Variants in SLC15A5 observed in about 807,000 individuals in gnomAD.
SLC15A5 encodes Peptide/histidine transporter ENSP00000340402.
Under a neutral mutation model 56.1 loss-of-function variants are expected in SLC15A5, and 58 were observed. The ratio of observed to expected loss-of-function variants is 1.03; its 90% CI spans 0.84 to 1.29. The LOEUF (loss-of-function observed/expected upper bound fraction) is 1.29. Among genes scored for constraint, SLC15A5 ranks in the 50% most tolerant of loss-of-function variants. SLC15A5 has a pLI of 0.00. For synonymous variants in SLC15A5, 264 were observed against 250.5 expected (o/e 1.05, Z -0.51); for missense variants, 681 against 672.1 (o/e 1.01, Z -0.15).
At position 16,277,527 on chromosome 12, in the gene SLC15A5, C is replaced by A. The variant is rs185406145; in HGVS notation, c.159G>T (p.Glu53Asp). Residue 53 changes from glutamate to aspartate, a missense_variant, in exon 1 of 9, where the codon GAG becomes GAT. By Grantham distance (45) the Glu-to-Asp change is conservative. Transcript: ENST00000344941. ...AGACGACTTCAAAGAACGTGAACCT[C>A]TCACACAGCTCCACCAGAAGCAAGC... ...GICLLLVELCERFTFFEVVCN... is the reference protein window; with the variant it reads ...GICLLLVELCDRFTFFEVVCN... 3.8e-4 allele frequency: 580 copies of A among 1,536,462 alleles called. 5 individuals are homozygous for A. Among genetic ancestry groups the A allele is most frequent in the Non-Finnish European group, 8.1e-5 (93 of 1,146,370 alleles).
intron 2 of SLC15A5, among the ~76,000 whole-genome samples, chr12:16,258,413 A>G (rs1417318704): frequency 1.3e-5 from 2 of 152,154 alleles, no homozygotes; most frequent in African/African-American, 2.4e-5. Flanking sequence ...TTTCTTCCCA[A>G]TGATTAGTAT....
At chr12:16,258,601 A>G (rs1270225454) in intron 2 of SLC15A5, among the ~76,000 whole-genome samples, 2 of 152,196 alleles carry the variant, frequency 1.3e-5, no homozygotes, top group African/African-American at 2.4e-5. Flanking sequence ...ACTCATTTAC[A>G]TATATAACTT....
chr12:16,228,360 C>A (rs1864263038), intron 5 of SLC15A5, among the ~76,000 whole-genome samples: 1 of 152,134 alleles, frequency 6.6e-6, no homozygotes, highest in African/African-American at 2.4e-5. Flanking sequence ...GTGCTGAAAG[C>A]AAGGTCAGAA....
At chr12:16,232,056 A>G (rs1426729411) in intron 5 of SLC15A5, among the ~76,000 whole-genome samples, 2 of 152,246 alleles carry the variant, frequency 1.3e-5, no homozygotes, top group Admixed American at 1.3e-4. Context: ...ACAATCTATA[A>G]GAATAGATAT....
chr12:16,257,605 G>A (rs1565672562), intron 3 of SLC15A5, 96 bp downstream of exon 3: 1 of 1,007,210 alleles, frequency 9.9e-7, no homozygotes, highest in African/African-American at 1.7e-5. Flanking sequence ...TTCAAATTCT[G>A]AGTTGAAAGA....
chr12:16,273,494 C>G (rs1249065202), intron 1 of SLC15A5, among the ~76,000 whole-genome samples: 1 of 152,016 alleles, frequency 6.6e-6, no homozygotes, highest in Non-Finnish European at 1.5e-5. Flanking sequence ...CTTTCCTTGT[C>G]TAATAAAAAT....
intron 7 of SLC15A5, among the ~76,000 whole-genome samples, chr12:16,197,819 C>CT (rs1247153970): frequency 6.6e-6 from 1 of 151,768 alleles, no homozygotes; most frequent in Non-Finnish European, 1.5e-5. Context: ...TGTCAGTTGA[C>CT]TCCGCTCTTA....
At chr12:16,264,887 T>C (rs925476811) in intron 2 of SLC15A5, among the ~76,000 whole-genome samples, 7 of 152,234 alleles carry the variant, frequency 4.6e-5, no homozygotes, top group Non-Finnish European at 8.8e-5. Context: ...ATTAAACCTC[T>C]TTCTTTTGTA....
At chr12:16,250,037 A>G (rs1030834777) in intron 3 of SLC15A5, among the ~76,000 whole-genome samples, 1 of 152,042 alleles carries the variant, frequency 6.6e-6, no homozygotes, top group Non-Finnish European at 1.5e-5. Flanking sequence ...GCTTCTGTGT[A>G]TAATATTTTC....
chr12:16,232,900 A>G (rs569812601), intron 5 of SLC15A5, among the ~76,000 whole-genome samples: 31 of 149,054 alleles, frequency 2.1e-4, no homozygotes, highest in African/African-American at 7.6e-4. Flanking sequence ...TGAGCTACAG[A>G]GCTAGACTCT....
At chr12:16,206,563 C>T (rs1244752880) in intron 7 of SLC15A5, among the ~76,000 whole-genome samples, 2 of 152,102 alleles carry the variant, frequency 1.3e-5, no homozygotes, top group African/African-American at 2.4e-5. Flanking sequence ...TTTTATTACC[C>T]TCAATTTATA....
intron 2 of SLC15A5, among the ~76,000 whole-genome samples, chr12:16,267,502 A>T (rs1864708740): frequency 8.7e-6 from 1 of 115,502 alleles, no homozygotes; most frequent in African/African-American, 3.4e-5. Flanking sequence ...TTTCCAGCAG[A>T]GCTGTTAAAG....
At chr12:16,222,212 T>C (rs916434633) in intron 6 of SLC15A5, among the ~76,000 whole-genome samples, 9 of 152,180 alleles carry the variant, frequency 5.9e-5, no homozygotes, top group African/African-American at 2.2e-4. Flanking sequence ...CCCTGTTTTA[T>C]AGATGATGAG....
chr12:16,235,826 C>T lies in SLC15A5; in HGVS notation c.1162+3855G>A, dbSNP rs553238903. Among the ~76,000 whole-genome samples, 1 of 152,196 alleles carries T rather than the reference C, an allele frequency of 6.6e-6. No individual in the cohort carries two copies. The highest frequency in any genetic ancestry group is 3.4e-3 in the Middle Eastern group (1 of 294). On this transcript the variant is annotated intron_variant, in intron 5 of 8. Coordinates refer to ENST00000344941, the MANE Select transcript of SLC15A5 (RefSeq NM_001170798.1). The surrounding 1 kb of genome is among the most constrained non-coding windows in gnomAD (Gnocchi z 4.1). ...CTTGACTTGGCTTTTAGCTTAGCAA[C>T]CACTTTGGTTTCAACCACAAAAAGA...
In SLC15A5 at chr12:16,244,724, G is replaced by A; in HGVS notation, c.831C>T (p.Gly277=). Residue 277 remains glycine (G), a synonymous_variant, in exon 4 of 9, where the codon GGC becomes GGT. Coordinates refer to ENST00000344941, the MANE Select transcript of SLC15A5 (RefSeq NM_001170798.1). ...KTCHPQYCHL[G]RDVTSQLDHA... is the part of the protein sequence containing the mutation. ...GGTCTAACTGGCTTGTCACGTCTCTGCCAAGATGGCAGTATTGCGGGTGGC... is the reference window on the plus strand; with the variant it reads ...GGTCTAACTGGCTTGTCACGTCTCTACCAAGATGGCAGTATTGCGGGTGGC... 1 of 1,537,590 alleles carries A rather than the reference G, an allele frequency of 6.5e-7. No homozygotes were observed. The highest frequency in any genetic ancestry group is 8.7e-7 in the Non-Finnish European group (1 of 1,146,992).
At chr12:16,223,754 T>C (rs566932648) in intron 6 of SLC15A5, among the ~76,000 whole-genome samples, 1 of 151,874 alleles carries the variant, frequency 6.6e-6, no homozygotes, top group East Asian at 1.9e-4. Flanking sequence ...TCTCACTCTG[T>C]CACCAGGCTG....
At chr12:16,199,502 AAGG>A (rs1318848134) in intron 7 of SLC15A5, among the ~76,000 whole-genome samples, 7 of 152,012 alleles carry the variant, frequency 4.6e-5, no homozygotes, top group African/African-American at 1.4e-4. Flanking sequence ...TTTCTTTTGG[AAGG>A]AGGAGAAAAG....
intron 7 of SLC15A5, among the ~76,000 whole-genome samples, chr12:16,204,803 G>GA (rs1450215129): frequency 3.3e-5 from 5 of 151,970 alleles, no homozygotes; most frequent in African/African-American, 1.2e-4. Flanking sequence ...TTGGTTATTT[G>GA]AAGCAAATAA....
chr12:16,264,168 C>T (rs61916973), intron 2 of SLC15A5, among the ~76,000 whole-genome samples: 26,707 of 152,214 alleles, frequency 0.18, 2,637 homozygotes, highest in Non-Finnish European at 0.22. Context: ...CAGTACCCTG[C>T]AAAGCCACAG....
Sources: gnomAD v4.1 joint callset for allele counts (sites outside exome capture counted in the v4.1 genomes callset) on GRCh38, gnomAD v4.1.1 for gene constraint, Gnocchi (gnomAD v3.1) non-coding constraint, MANE v1.5 for transcripts, NCBI Gene and HGNC (gene_info 2026-07-23, HGNC 2026-07-21) for gene names.